The following GALNT4 variants were observed in gnomAD, a reference collection of about 807,000 sequenced individuals.
The protein encoded by GALNT4 is UDP-GalNAc:polypeptide N-acetylgalactosaminyltransferase 4.
GALNT4 carries 23 observed loss-of-function variants against 45.1 expected under a neutral mutation model. That is an observed-to-expected ratio of 0.51 (90% CI 0.37 to 0.72). GALNT4 has a LOEUF of 0.72. Ranked by LOEUF, GALNT4 falls within the 30% of genes least tolerant of loss-of-function variation. The pLI, the probability that GALNT4 is intolerant of heterozygous loss-of-function variation, is 0.00. For synonymous variants in GALNT4, 264 were observed against 257.6 expected (o/e 1.02, Z -0.24); for missense variants, 757 against 709.0 (o/e 1.07, Z -0.77).
At position 89,519,463 on chromosome 12, in the gene GALNT4, C is replaced by A. The variant is rs1363024833; in HGVS notation, c.*3350G>T. On this transcript the variant is annotated 3_prime_UTR_variant, in exon 1 of 1. Coordinates refer to ENST00000529983, the MANE Select transcript of GALNT4 (RefSeq NM_003774.5). ...TTATTTTACATCTTAATCAACATTACAAATACAAAAGGAAAAAAGTCAGAA... is the reference window on the plus strand; with the variant it reads ...TTATTTTACATCTTAATCAACATTAAAAATACAAAAGGAAAAAAGTCAGAA... The A allele has an allele frequency of 6.6e-6, 1 of 151,958 alleles. No homozygotes were observed. The highest frequency in any genetic ancestry group is 2.4e-5 in the African/African-American group (1 of 41,330). 9.4% of individuals were successfully genotyped at this position (151,958 alleles called of 1,614,324 possible).
At position 89,519,617 on chromosome 12, in the gene GALNT4, T is replaced by C. The variant is rs1354730839; in HGVS notation, c.*3196A>G. 1 of 152,618 alleles carries C rather than the reference T, an allele frequency of 6.6e-6. No individual in the cohort carries two copies. The highest frequency in any genetic ancestry group is 1.5e-5 in the Non-Finnish European group (1 of 68,030). 9.5% of individuals were successfully genotyped at this position (152,618 alleles called of 1,614,324 possible). A position where few individuals can be genotyped will look rare whatever the true frequency, so the allele number is the denominator to read the frequency against. On this transcript the variant is annotated 3_prime_UTR_variant, in exon 1 of 1. Coordinates refer to ENST00000529983, the MANE Select transcript of GALNT4 (RefSeq NM_003774.5). ...ACAAGCAAATAAAAACCAAGTATTT[T>C]ATTAATTAAAATTGAGACCCTAAAC...
chr12:89,524,658 TC>T lies in GALNT4; in HGVS notation c.-110del. On this transcript the variant is annotated 5_prime_UTR_variant, in exon 1 of 1. An upstream start codon of the reference 5' UTR is lost. Coordinates refer to ENST00000529983, the MANE Select transcript of GALNT4 (RefSeq NM_003774.5). ...GGTACTTCCCAGCAGGTTCTTCCTTTCATGCAGGCGCTAGGCTCCTTTCCAG... is the reference window on the plus strand; with the variant it reads ...GGTACTTCCCAGCAGGTTCTTCCTTTATGCAGGCGCTAGGCTCCTTTCCAG... The T allele has an allele frequency of 1.7e-6, 2 of 1,175,086 alleles. No individual in the cohort carries two copies. The highest frequency in any genetic ancestry group is 2.4e-6 in the Non-Finnish European group (2 of 827,100). The allele number at this position is 1,175,086 out of a possible 1,614,324, so 72.8% of individuals were successfully genotyped here. A position where few individuals can be genotyped will look rare whatever the true frequency, so the allele number is the denominator to read the frequency against.
In GALNT4 at chr12:89,523,908, C is replaced by T. The variant is rs1871164045; in HGVS notation, c.642G>A (p.Gly214=). ...REGLVRARLI[G]ATFATGDVLT... ...GGACGTCCCCAGTGGCGAAAGTGGC[C>T]CCAATCAGACGGGCCCTAACCAGCC... is the stretch of plus-strand genomic sequence containing the variant. Residue 214 remains glycine (G), a synonymous_variant, in exon 1 of 1, where the codon GGG becomes GGA. Coordinates refer to ENST00000529983, the MANE Select transcript of GALNT4 (RefSeq NM_003774.5). 1 of 1,595,262 alleles carries T rather than the reference C, an allele frequency of 6.3e-7. No individual in the cohort carries two copies. Among genetic ancestry groups the T allele is most frequent in the African/African-American group, 1.4e-5 (1 of 73,796 alleles).
rs368332615 is a variant in GALNT4, at chr12:89,522,788, C to T, written c.*25G>A. ...TTGACTTTCTTGACACTACTGTCAG[C>T]TCATGACGAAAGTGCTGTTGTGCTC... On this transcript the variant is annotated 3_prime_UTR_variant, in exon 1 of 1. Coordinates refer to ENST00000529983, the MANE Select transcript of GALNT4 (RefSeq NM_003774.5). The T allele has an allele frequency of 9.2e-5, 142 of 1,539,882 alleles. No homozygotes were observed. Among genetic ancestry groups the T allele is most frequent in the Non-Finnish European group, 1.0e-4 (117 of 1,147,240 alleles).
chr12:89,524,482 A>G lies in GALNT4; in HGVS notation c.68T>C (p.Ile23Thr). 1.2e-6 allele frequency: 2 copies of G among 1,613,392 alleles called. No homozygotes were observed. The highest frequency in any genetic ancestry group is 1.1e-5 in the South Asian group (1 of 91,064). ...LLLAFLTVAYIFVELLVSTFH... is the reference protein window; with the variant it reads ...LLLAFLTVAYTFVELLVSTFH... ...AGTAGAGACCAAGAGCTCCACGAAG[A>G]TATAGGCCACTGTTAAAAACGCCAG... The change falls in exon 1 of 1, where the codon ATC (isoleucine) becomes ACC (threonine). Residue 23 changes from isoleucine (I) to threonine (T), a missense_variant. Transcript: ENST00000529983.
chr12:89,524,451 A>C lies in GALNT4; in HGVS notation c.99T>G (p.His33Gln), dbSNP rs1335753193. ...TGGCACGGCCGGCTCCTGCGGAGGC[A>C]TGAAAAGTAGAGACCAAGAGCTCCA... is the stretch of plus-strand genomic sequence containing the variant. The part of the protein sequence containing the change: ...IFVELLVSTF[H>Q]ASAGAGRARE... The change falls in exon 1 of 1, where the codon CAT becomes CAG. Residue 33 changes from histidine to glutamine, a missense_variant. By Grantham distance (24) the His-to-Gln change is conservative (BLOSUM62 0). Transcript: ENST00000529983. 1 of 1,613,868 alleles carries C rather than the reference A, an allele frequency of 6.2e-7. No individual in the cohort carries two copies. The highest frequency in any genetic ancestry group is 8.5e-7 in the Non-Finnish European group (1 of 1,179,888).
Position 89,523,444 on chromosome 12 carries a change from G to C in GALNT4, c.1106C>G (p.Pro369Arg). Residue 369 changes from proline to arginine, a missense_variant, in exon 1 of 1, where the codon CCA becomes CGA. Pro to Arg is a moderately radical substitution (Grantham distance 103). Coordinates refer to ENST00000529983, the MANE Select transcript of GALNT4 (RefSeq NM_003774.5). ...HVGHVFPKRA[P>R]YARPNFLQNT... ...CTGTAGGAAATTGGGGCGAGCATAT[G>C]GTGCCCGCTTGGGGAACACATGGCC... The C allele has an allele frequency of 6.2e-7, 1 of 1,614,072 alleles. No individual in the cohort carries two copies.
At position 89,522,918 on chromosome 12, in the gene GALNT4, T is replaced by A. The variant is rs748105297; in HGVS notation, c.1632A>T (p.Ser544=). The part of the protein sequence containing the change: ...KEDGTIFHPH[S]GLCLSAYRTP... Reference sequence around the variant, plus strand: ...TCCGATAAGCACTAAGACACAGTCCTGAGTGTGGGTGAAAAATAGTTCCAT... The same window carrying A: ...TCCGATAAGCACTAAGACACAGTCCAGAGTGTGGGTGAAAAATAGTTCCAT... Residue 544 remains serine (S), a synonymous_variant, in exon 1 of 1, where the codon TCA becomes TCT. Coordinates refer to ENST00000529983, the MANE Select transcript of GALNT4 (RefSeq NM_003774.5). 7 of 1,614,068 alleles carry A rather than the reference T, an allele frequency of 4.3e-6. No homozygotes were observed. Among genetic ancestry groups the A allele is most frequent in the Middle Eastern group, 1.6e-4 (1 of 6,062 alleles).
At position 89,522,895 on chromosome 12, in the gene GALNT4, C is replaced by T. The variant is rs533855790; in HGVS notation, c.1655G>A (p.Arg552Gln). The T allele has an allele frequency of 1.2e-5, 20 of 1,613,744 alleles. No individual in the cohort carries two copies. In the East Asian group the frequency reaches 1.3e-4, roughly 11 times the overall value. Residue 552 changes from arginine (R) to glutamine (Q), a missense_variant, in exon 1 of 1, where the codon CGG becomes CAG. By Grantham distance (43) the Arg-to-Gln change is conservative (BLOSUM62 1). Coordinates refer to ENST00000529983, the MANE Select transcript of GALNT4 (RefSeq NM_003774.5). ...PHSGLCLSAYRTPEGRPDVQM... is the reference protein window; with the variant it reads ...PHSGLCLSAYQTPEGRPDVQM... Reference sequence around the variant, plus strand: ...TACATCAGGTCGGCCCTCCGGTGTCCGATAAGCACTAAGACACAGTCCTGA... The same window carrying T: ...TACATCAGGTCGGCCCTCCGGTGTCTGATAAGCACTAAGACACAGTCCTGA...
chr12:89,522,866 T>C lies in GALNT4; in HGVS notation c.1684A>G (p.Met562Val), dbSNP rs768049777. The change falls in exon 1 of 1, where the codon ATG becomes GTG. Residue 562 changes from methionine (M) to valine (V), a missense_variant. Met to Val is a conservative substitution (Grantham distance 21). Transcript: ENST00000529983. ...TTATCTAGAGCATCACAAGTTCTCA[T>C]TTGTACATCAGGTCGGCCCTCCGGT... ...RTPEGRPDVQ[M>V]RTCDALDKNQ... is the part of the protein sequence containing the mutation. 1.9e-6 allele frequency: 3 copies of C among 1,607,800 alleles called. No homozygotes were observed. The highest frequency in any genetic ancestry group is 2.5e-6 in the Non-Finnish European group (3 of 1,178,094).
In GALNT4 at chr12:89,522,592, TAA is replaced by T; in HGVS notation, c.*219_*220del. On this transcript the variant is annotated 3_prime_UTR_variant, in exon 1 of 1. Coordinates refer to ENST00000529983, the MANE Select transcript of GALNT4 (RefSeq NM_003774.5). ...AGACCATATTGACAAAACTCTTATA[TAA>T]AACAACCAATAAGTAAGGCATTGTG... The T allele has an allele frequency of 2.3e-6, 1 of 443,068 alleles. No individual in the cohort carries two copies. The highest frequency in any genetic ancestry group is 3.6e-5 in the East Asian group (1 of 27,976). 27.4% of individuals were successfully genotyped at this position (443,068 alleles called of 1,614,324 possible). A position where few individuals can be genotyped will look rare whatever the true frequency, so the allele number is the denominator to read the frequency against.
In GALNT4 at chr12:89,522,829, C is replaced by T; in HGVS notation, c.1721G>A (p.Trp574Ter). 6.3e-7 allele frequency: 1 copy of T among 1,584,040 alleles called. No individual in the cohort carries two copies. The highest frequency in any genetic ancestry group is 1.2e-5 in the South Asian group (1 of 86,042). The change falls in exon 1 of 1, where the codon TGG (tryptophan) becomes TAG (stop). Residue 574 changes from tryptophan to a stop codon, truncating the protein, a stop_gained. Transcript: ENST00000529983. LOFTEE classifies it high-confidence loss of function. ...TCDALDKNQI[W>*]SFEK ...TGTTGTGCTCTATTTCTCAAAACTCCAAATTTGATTTTTATCTAGAGCATC... is the reference window on the plus strand; with the variant it reads ...TGTTGTGCTCTATTTCTCAAAACTCTAAATTTGATTTTTATCTAGAGCATC...
In GALNT4 at chr12:89,523,699, A is replaced by G. The variant is rs1871137342; in HGVS notation, c.851T>C (p.Phe284Ser). ...CTGTTTGGGGACAGAATGCCACTGA[A>G]ATGTTAAACGCCAGTCAAACCCACC... ...MIGGFDWRLTFQWHSVPKQER... is the reference protein window; with the variant it reads ...MIGGFDWRLTSQWHSVPKQER... Residue 284 changes from phenylalanine to serine, a missense_variant, in exon 1 of 1, where the codon TTT becomes TCT. Coordinates refer to ENST00000529983, the MANE Select transcript of GALNT4 (RefSeq NM_003774.5). 1 of 1,543,876 alleles carries G rather than the reference A, an allele frequency of 6.5e-7. No individual in the cohort carries two copies. Among genetic ancestry groups the G allele is most frequent in the Non-Finnish European group, 8.7e-7 (1 of 1,152,770 alleles).
In GALNT4 at chr12:89,523,611, C is replaced by T. The variant is rs1429698156; in HGVS notation, c.939G>A (p.Leu313=). ...PIRSPTMAGG[L]FAVSKKYFQY... ...GAAAATATTTCTTGCTGACAGCAAA[C>T]AGTCCTCCAGCCATGGTAGGTGATC... is the stretch of plus-strand genomic sequence containing the variant. Residue 313 remains leucine (L), a synonymous_variant, in exon 1 of 1, where the codon CTG becomes CTA. Transcript: ENST00000529983. The T allele has an allele frequency of 6.4e-7, 1 of 1,555,930 alleles. No homozygotes were observed. The highest frequency in any genetic ancestry group is 1.3e-5 in the South Asian group (1 of 78,928).
chr12:89,523,515 C>CA lies in GALNT4; in HGVS notation c.1034dup (p.Trp346ValfsTer44). The CA allele has an allele frequency of 6.2e-7, 1 of 1,610,758 alleles. No homozygotes were observed. The highest frequency in any genetic ancestry group is 8.5e-7 in the Non-Finnish European group (1 of 1,178,410). Reference sequence around the variant, plus strand: ...TCTCCAATTTGCCACCACACTGCCACACCCTAAAAGACAGCTCAAGGTTTT... The same window carrying CA: ...TCTCCAATTTGCCACCACACTGCCACAACCCTAAAAGACAGCTCAAGGTTTT... On this transcript the variant is annotated frameshift_variant, in exon 1 of 1. Transcript: ENST00000529983. LOFTEE classifies it high-confidence loss of function.
chr12:89,523,778 T>C lies in GALNT4; in HGVS notation c.772A>G (p.Thr258Ala). The C allele has an allele frequency of 6.5e-7, 1 of 1,535,164 alleles. No homozygotes were observed. ...AATTCAAAAGTATTCCAATCAATTG[T>C]GTCTATAACAGGACACACAACTGCT... is the stretch of plus-strand genomic sequence containing the variant. ...ETAVVCPVID[T>A]IDWNTFEFYM... The change falls in exon 1 of 1, where the codon ACA becomes GCA. Residue 258 changes from threonine to alanine, a missense_variant. Transcript: ENST00000529983.
At position 89,524,119 on chromosome 12, in the gene GALNT4, T is replaced by C. The variant is rs768104364; in HGVS notation, c.431A>G (p.Tyr144Cys). 9.3e-6 allele frequency: 15 copies of C among 1,614,042 alleles called. No homozygotes were observed. The South Asian group carries it at 9.9e-5, about 11-fold the overall frequency. The part of the protein sequence containing the change: ...LPTTSVIIAF[Y>C]NEAWSTLLRT... ...GAGCAAAGTCGACCAGGCTTCGTTA[T>C]AGAAAGCAATGATAACAGAGGTGGT... Residue 144 changes from tyrosine to cysteine, a missense_variant, in exon 1 of 1, where the codon TAT becomes TGT. Coordinates refer to ENST00000529983, the MANE Select transcript of GALNT4 (RefSeq NM_003774.5).
In GALNT4 at chr12:89,522,834, T is replaced by C. The variant is rs754505884; in HGVS notation, c.1716A>G (p.Gln572=). Residue 572 remains glutamine (Q), a synonymous_variant, in exon 1 of 1, where the codon CAA becomes CAG. Coordinates refer to ENST00000529983, the MANE Select transcript of GALNT4 (RefSeq NM_003774.5). The stretch of plus-strand genomic sequence containing the variant: ...TGCTCTATTTCTCAAAACTCCAAAT[T>C]TGATTTTTATCTAGAGCATCACAAG... ...MRTCDALDKN[Q]IWSFEK is the part of the protein sequence containing the mutation. 2.5e-6 allele frequency: 4 copies of C among 1,585,932 alleles called. No homozygotes were observed. Among genetic ancestry groups the C allele is most frequent in the South Asian group, 1.2e-5 (1 of 86,498 alleles).
chr12:89,523,555 T>G lies in GALNT4; in HGVS notation c.995A>C (p.Glu332Ala). 6.3e-7 allele frequency: 1 copy of G among 1,598,060 alleles called. No individual in the cohort carries two copies. The highest frequency in any genetic ancestry group is 8.5e-7 in the Non-Finnish European group (1 of 1,173,776). Reference sequence around the variant, plus strand: ...CTCAAGGTTTTCACCTCCCCACACTTCCATTCCTGTGTCATACGTTCCAAG... The same window carrying G: ...CTCAAGGTTTTCACCTCCCCACACTGCCATTCCTGTGTCATACGTTCCAAG... ...QYLGTYDTGM[E>A]VWGGENLELS... is the part of the protein sequence containing the mutation. The change falls in exon 1 of 1, where the codon GAA (glutamate) becomes GCA (alanine). Residue 332 changes from glutamate to alanine, a missense_variant. Coordinates refer to ENST00000529983, the MANE Select transcript of GALNT4 (RefSeq NM_003774.5).
Sources: gnomAD v4.1 joint callset for allele counts on GRCh38, gnomAD v4.1.1 for gene constraint, MANE v1.5 for transcripts, NCBI Gene and HGNC (gene_info 2026-07-23, HGNC 2026-07-21) for gene names.